The following STARD9 variants were observed in gnomAD, a reference collection of about 807,000 sequenced individuals.
The protein encoded by STARD9 is StAR related lipid transfer domain containing 9, also known as stAR-related lipid transfer protein 9.
STARD9 carries 346 observed loss-of-function variants against 399.8 expected under a neutral mutation model. That is an observed-to-expected ratio of 0.87 (90% CI 0.79 to 0.95). STARD9 has a LOEUF of 0.95. Among genes scored for constraint, STARD9 ranks in the 40% least tolerant of loss-of-function variants. The pLI, the probability that STARD9 is intolerant of heterozygous loss-of-function variation, is 0.00. For missense variants in STARD9, 5,832 were observed against 5,667.5 expected (o/e 1.03, Z -0.93); for synonymous variants, 2,203 against 2,143.5 (o/e 1.03, Z -0.77).
Position 42,688,310 on chromosome 15 carries a change from G to A in STARD9, c.6732G>A (p.Glu2244=), listed in dbSNP as rs769142445. Residue 2244 remains glutamate, a synonymous_variant, in exon 23 of 33, where the codon GAG becomes GAA. Transcript: ENST00000290607. The part of the protein sequence containing the change: ...KGQPWGLGSL[E]ELETVKGFQE... ...AGCCTTGGGGCTTAGGAAGTCTTGA[G>A]GAATTGGAGACTGTGAAAGGTTTTC... is the stretch of plus-strand genomic sequence containing the variant. The A allele has an allele frequency of 2.6e-6, 4 of 1,537,498 alleles. No individual in the cohort carries two copies. In the South Asian group the frequency reaches 3.6e-5, roughly 14 times the overall value.
Position 42,585,523 on chromosome 15 carries a change from G to A in STARD9, c.120G>A (p.Val40=). 1 of 1,535,312 alleles carries A rather than the reference G, an allele frequency of 6.5e-7. No homozygotes were observed. The highest frequency in any genetic ancestry group is 2.4e-5 in the East Asian group (1 of 40,904). Reference sequence around the variant, plus strand: ...CTGGATCCTATGTTTGATTTTAGGTGGACAATCGACCAGATGGCTTTGGGG... The same window carrying A: ...CTGGATCCTATGTTTGATTTTAGGTAGACAATCGACCAGATGGCTTTGGGG... ...GKVAKIRNLK[V]DNRPDGFGDS... Residue 40 remains valine, a splice_region_variant and synonymous_variant, in exon 3 of 33, where the codon GTG becomes GTA. Transcript: ENST00000290607.
At chr15:42,661,681 T>A (rs956224963) in intron 10 of STARD9, among the ~76,000 whole-genome samples, 13 of 152,044 alleles carry the variant, frequency 8.6e-5, no homozygotes, top group African/African-American at 1.7e-4. Flanking sequence ...GGCCTCGCAC[T>A]CCTGGCCTTG....
At chr15:42,670,844 T>C (rs1470616318) in intron 16 of STARD9, 2 of 152,204 alleles carry the variant, frequency 1.3e-5, no homozygotes, top group Non-Finnish European at 2.9e-5. Context: ...CTGGCAACTT[T>C]TACCTTAGCA....
Position 42,689,019 on chromosome 15 carries a change from A to G in STARD9, c.7441A>G (p.Lys2481Glu). 6 of 1,537,372 alleles carry G rather than the reference A, an allele frequency of 3.9e-6. No homozygotes were observed. The highest frequency in any genetic ancestry group is 5.2e-6 in the Non-Finnish European group (6 of 1,146,954). The change falls in exon 23 of 33, where the codon AAG (lysine) becomes GAG (glutamate). Residue 2481 changes from lysine to glutamate, a missense_variant. Physicochemically the swap from Lys to Glu is moderately conservative, Grantham distance 56. Coordinates refer to ENST00000290607, the MANE Select transcript of STARD9 (RefSeq NM_020759.3). Reference sequence around the variant, plus strand: ...AGAAATAAGAGTCAGTTCACTGAACAAGGTCTCTAGCCAGCCTGAAAAGAG... The same window carrying G: ...AGAAATAAGAGTCAGTTCACTGAACGAGGTCTCTAGCCAGCCTGAAAAGAG... ...QKEIRVSSLN[K>E]VSSQPEKRVS...
At chr15:42,616,942 A>C (rs2058975820) in intron 3 of STARD9, among the ~76,000 whole-genome samples, 1 of 152,078 alleles carries the variant, frequency 6.6e-6, no homozygotes, top group Non-Finnish European at 1.5e-5. Context: ...AACAGTAACT[A>C]CTTCATAAAT....
chr15:42,648,628 T>A (rs1341225912), intron 7 of STARD9, among the ~76,000 whole-genome samples: 1 of 152,226 alleles, frequency 6.6e-6, no homozygotes, highest in Non-Finnish European at 1.5e-5. Flanking sequence ...CTTTTGTCTT[T>A]GAACAGTTTA....
rs533739416 is a variant in STARD9, at chr15:42,581,107, C to T, written c.48-2239C>T. The T allele has an allele frequency of 1.0e-5, 7 of 696,606 alleles. No individual in the cohort carries two copies. In the Admixed American group the frequency reaches 1.1e-4, roughly 11 times the overall value. 43.2% of individuals were successfully genotyped at this position (696,606 alleles called of 1,614,324 possible). Reference sequence around the variant, plus strand: ...AGGTACCAGTGTTGCTGCTTTTCTTCTAATCCTTGCAGGAGAGTCAGATGC... The same window carrying T: ...AGGTACCAGTGTTGCTGCTTTTCTTTTAATCCTTGCAGGAGAGTCAGATGC... On this transcript the variant is annotated intron_variant, in intron 1 of 32. Transcript: ENST00000290607.
intron 18 of STARD9, among the ~76,000 whole-genome samples, chr15:42,675,237 A>T (rs1020735377): frequency 6.6e-6 from 1 of 152,246 alleles, no homozygotes; most frequent in Admixed American, 6.5e-5. Context: ...CCTCATCTAT[A>T]AAATGGGGAT....
At chr15:42,680,292 G>T (rs1011482578) in intron 20 of STARD9, among the ~76,000 whole-genome samples, 1 of 152,124 alleles carries the variant, frequency 6.6e-6, no homozygotes, top group Non-Finnish European at 1.5e-5. Flanking sequence ...GCAGAGTAAG[G>T]CATGACTAAA....
intron 26 of STARD9, among the ~76,000 whole-genome samples, chr15:42,713,171 C>T (rs781210763): frequency 8.5e-5 from 13 of 152,162 alleles, no homozygotes; most frequent in East Asian, 3.9e-4. Flanking sequence ...TAAACTTATT[C>T]GTAAGTATTT....
chr15:42,704,905 G>A (rs991082686), intron 26 of STARD9, among the ~76,000 whole-genome samples: 2 of 152,212 alleles, frequency 1.3e-5, no homozygotes, highest in African/African-American at 4.8e-5. Flanking sequence ...GAAGCCTATG[G>A]CCTCTTGGAC....
intron 26 of STARD9, among the ~76,000 whole-genome samples, chr15:42,698,716 A>G (rs986768682): frequency 9.2e-5 from 14 of 152,156 alleles, no homozygotes; most frequent in African/African-American, 2.4e-4. Flanking sequence ...TCAATCCACA[A>G]TTATAAAGAA....
chr15:42,669,002 G>A (rs1046434601), intron 15 of STARD9, among the ~76,000 whole-genome samples, 156 bp from the exon 16 acceptor site: 12 of 152,236 alleles, frequency 7.9e-5, no homozygotes, highest in African/African-American at 2.4e-4. Context: ...CTTGCAGTTG[G>A]AGGAGGTACA....
intron 16 of STARD9, chr15:42,674,068 A>T: frequency 2.3e-6 from 1 of 442,172 alleles, no homozygotes; most frequent in Non-Finnish European, 4.5e-6. Context: ...GGGAAAAGCC[A>T]TACTTTTGCA....
intron 9 of STARD9, among the ~76,000 whole-genome samples, chr15:42,654,851 G>A (rs2059833482): frequency 6.6e-6 from 1 of 152,136 alleles, no homozygotes; most frequent in African/African-American, 2.4e-5. Flanking sequence ...TGGCCATACT[G>A]CCTAAAGCAG....
chr15:42,692,926 A>G lies in STARD9; in HGVS notation c.11348A>G (p.Gln3783Arg), dbSNP rs979842033. 9.8e-6 allele frequency: 15 copies of G among 1,537,266 alleles called. No individual in the cohort carries two copies. Among genetic ancestry groups the G allele is most frequent in the Non-Finnish European group, 1.2e-5 (14 of 1,146,904 alleles). ...QEEGDVPGVP[Q>R]KREAEETAQK... ...GAGGGAGATGTGCCAGGGGTACCTC[A>G]GAAGAGAGAGGCAGAGGAAACAGCA... Residue 3783 changes from glutamine to arginine, a missense_variant, in exon 23 of 33, where the codon CAG becomes CGG. By Grantham distance (43) the Gln-to-Arg change is conservative. Around this residue, in one of 2 missense-constraint regions of STARD9, gnomAD observed 5,828 missense variants for 5,651.1 expected, o/e 1.03. Transcript: ENST00000290607.
intron 7 of STARD9, among the ~76,000 whole-genome samples, chr15:42,648,184 A>G (rs1243620299): frequency 1.3e-5 from 2 of 152,144 alleles, no homozygotes; most frequent in Admixed American, 1.3e-4. Flanking sequence ...TTTGTTTGAG[A>G]TGGAGTCTTG....
chr15:42,702,551 T>C (rs1265529551), intron 26 of STARD9, among the ~76,000 whole-genome samples: 5 of 152,182 alleles, frequency 3.3e-5, no homozygotes, highest in African/African-American at 1.2e-4. Context: ...ATAGCAAAGA[T>C]AGGAGTTGTC....
At position 42,685,943 on chromosome 15, in the gene STARD9, A is replaced by C. The variant is rs376229251; in HGVS notation, c.4365A>C (p.Glu1455Asp). Reference sequence around the variant, plus strand: ...ACATGACCCAGCAGGGCAGCTCTGAAGCATCCCACAATTCTAGCGTATCAA... The same window carrying C: ...ACATGACCCAGCAGGGCAGCTCTGACGCATCCCACAATTCTAGCGTATCAA... ...IPDMTQQGSSEASHNSSVSNV... is the reference protein window; with the variant it reads ...IPDMTQQGSSDASHNSSVSNV... The change falls in exon 23 of 33, where the codon GAA becomes GAC. Residue 1455 changes from glutamate to aspartate, a missense_variant. Glu to Asp is a conservative substitution (Grantham distance 45). Around this residue, in one of 2 missense-constraint regions of STARD9, gnomAD observed 5,828 missense variants for 5,651.1 expected, o/e 1.03. Coordinates refer to ENST00000290607, the MANE Select transcript of STARD9 (RefSeq NM_020759.3). 364 of 1,537,164 alleles carry C rather than the reference A, an allele frequency of 2.4e-4. No individual in the cohort carries two copies. In the African/African-American group the frequency reaches 4.7e-3, roughly 20 times the overall value.
Sources: gnomAD v4.1 joint callset for allele counts (sites outside exome capture counted in the v4.1 genomes callset) on GRCh38, gnomAD v4.1.1 for gene constraint, gnomAD v4.1.1 regional missense constraint, MANE v1.5 for transcripts, NCBI Gene and HGNC (gene_info 2026-07-23, HGNC 2026-07-21) for gene names.